Variants in MYH13 observed in about 807,000 individuals in gnomAD.
The protein encoded by MYH13 is myosin heavy chain 13, also known as myosin-13.
A neutral mutation model predicts 232.1 loss-of-function variants in MYH13; 177 were observed. The ratio of observed to expected loss-of-function variants is 0.76; its 90% confidence interval spans 0.67 to 0.86. The LOEUF (loss-of-function observed/expected upper bound fraction) is 0.86. MYH13 is among the 40% of genes least tolerant of loss of function. The pLI is 0.00. For synonymous variants in MYH13, 884 were observed against 923.5 expected, an observed-to-expected ratio of 0.96 and a Z score of 0.78; for missense variants, 2,246 against 2,405.9, an observed-to-expected ratio of 0.93 and a Z score of 1.39.
chr17:10,353,190 G>T (rs2071723299), intron 11 of MYH13, among the ~76,000 whole-genome samples: 1 of 152,194 alleles, frequency 6.6e-6, no homozygotes, highest in Non-Finnish European at 1.5e-5. Context: ...CCATGTTGCT[G>T]GGTGGAGCTC....
At chr17:10,324,418 C>T (rs753528486) in intron 22 of MYH13, among the ~76,000 whole-genome samples, 154 bp from the exon 23 acceptor site, 4 of 151,310 alleles carry the variant, frequency 2.6e-5, no homozygotes, top group Admixed American at 6.6e-5. Flanking sequence ...TGCACACACA[C>T]GTGTACATAA....
At chr17:10,370,467 C>G (rs1480564454) in intron 2 of MYH13, among the ~76,000 whole-genome samples, 1 of 152,204 alleles carries the variant, frequency 6.6e-6, no homozygotes, top group Non-Finnish European at 1.5e-5. Context: ...CTGCTTCCAA[C>G]GTTGCATAGC....
At chr17:10,356,361 G>T (rs2142269766) in intron 8 of MYH13, among the ~76,000 whole-genome samples, 1 of 152,328 alleles carries the variant, frequency 6.6e-6, no homozygotes, top group South Asian at 2.1e-4. Context: ...AAAATAATTA[G>T]AATGATTGTG....
Position 10,309,802 on chromosome 17 carries a change from A to T in MYH13, c.4685T>A (p.Ile1562Asn), listed in dbSNP as rs1468101612. The T allele has an allele frequency of 6.3e-7, 1 of 1,591,792 alleles. No homozygotes were observed. Among genetic ancestry groups the T allele is most frequent in the South Asian group, 1.1e-5 (1 of 87,386 alleles). ...EGSLEHEESKILRVQLELSQV... is the reference protein window; with the variant it reads ...EGSLEHEESKNLRVQLELSQV... ...GCTCAGCTCTAGCTGCACGCGCAAG[A>T]TCTTGCTCTCCTCGTGTTCCAAGGA... Residue 1562 changes from isoleucine to asparagine, a missense_variant, in exon 34 of 41, where the codon ATC becomes AAC. Physicochemically the swap from Ile to Asn is moderately radical, Grantham distance 149. Coordinates refer to ENST00000252172, the MANE Select transcript of MYH13 (RefSeq NM_003802.3).
intron 3 of MYH13, among the ~76,000 whole-genome samples, 192 bp downstream of exon 3, chr17:10,364,135 T>C (rs2071814528): frequency 6.6e-6 from 1 of 152,176 alleles, no homozygotes; most frequent in Non-Finnish European, 1.5e-5. Flanking sequence ...CCCAAGTCCT[T>C]GGAGAAGGAA....
At chr17:10,336,582 C>T (rs900645727) in intron 18 of MYH13, among the ~76,000 whole-genome samples, 3 of 152,094 alleles carry the variant, frequency 2.0e-5, no homozygotes, top group Non-Finnish European at 4.4e-5. Context: ...ACATGCAAAC[C>T]AGCCATCCAA....
rs773955808 is a variant in MYH13 at position 10,340,575 on chromosome 17, A to G, written c.1895-174T>C. 2.0e-5 allele frequency among the ~76,000 whole-genome samples: 3 copies of G among 152,008 alleles called. No individual in the cohort carries two copies. In the East Asian group the frequency reaches 5.8e-4, roughly 29 times the overall value. ...GCTCTGTTGTCCAGGCTGGAGTGCA[A>G]TGGCACCATCTCAACTCACTGCAAC... On this transcript the variant is annotated intron_variant, in intron 16 of 40. Coordinates refer to ENST00000252172, the MANE Select transcript of MYH13 (RefSeq NM_003802.3).
At chr17:10,347,870 A>C (rs1182350484) in intron 12 of MYH13, among the ~76,000 whole-genome samples, 1 of 151,248 alleles carries the variant, frequency 6.6e-6, no homozygotes, top group East Asian at 1.9e-4. Flanking sequence ...GGCACCCACC[A>C]CCAGGCCCGG....
intron 2 of MYH13, among the ~76,000 whole-genome samples, chr17:10,369,158 A>G (rs977969214): frequency 6.8e-6 from 1 of 146,704 alleles, no homozygotes; most frequent in African/African-American, 2.4e-5. Context: ...TAACTTCCAC[A>G]AATAAAAAAA....
In MYH13 at chr17:10,360,190, T is replaced by A; in HGVS notation, c.506-2A>T. The A allele has an allele frequency of 6.2e-7, 1 of 1,613,416 alleles. No homozygotes were observed. On this transcript the variant is annotated splice_acceptor_variant, in intron 5 of 40. Transcript: ENST00000252172. LOFTEE classifies it high-confidence loss of function. ...TGAGGATAGACTGGTTGTCTCGATC[T>A]AGAAATGCAGAGGGAAGCAAAACAA...
chr17:10,317,296 G>C (rs553287411), intron 27 of MYH13, among the ~76,000 whole-genome samples: 1 of 152,206 alleles, frequency 6.6e-6, no homozygotes, highest in South Asian at 2.1e-4. Flanking sequence ...AAAACCAAGG[G>C]AAAAAGGGCA....
rs1040945814 is a variant in MYH13 at position 10,328,209 on chromosome 17, G to A, written c.2436-88C>T. The A allele has an allele frequency of 6.8e-6, 10 of 1,473,448 alleles. No individual in the cohort carries two copies. The East Asian group carries it at 9.3e-5, about 14-fold the overall frequency. The allele number at this position is 1,473,448 out of a possible 1,614,324, so 91.3% of individuals were successfully genotyped here. A position where few individuals can be genotyped will look rare whatever the true frequency, so the allele number is the denominator to read the frequency against. ...CTGTCCCCGACGGACCCCATCCTCC[G>A]TCTTTCTCGGTTAGGTGGGAAGGAG... On this transcript the variant is annotated intron_variant, in intron 21 of 40. Transcript: ENST00000252172.
chr17:10,352,666 T>G (rs1361493228), intron 11 of MYH13, among the ~76,000 whole-genome samples: 2 of 152,114 alleles, frequency 1.3e-5, no homozygotes, highest in Non-Finnish European at 2.9e-5. Flanking sequence ...AGAAGGCATC[T>G]TGGTGAGGAC....
intron 16 of MYH13, among the ~76,000 whole-genome samples, chr17:10,340,859 TGTGGGAATGGG>T (rs1248768282): frequency 2.0e-5 from 3 of 151,956 alleles, no homozygotes; most frequent in Non-Finnish European, 2.9e-5. Context: ...GCTTTATCAT[TGTGGGAATGGG>T]GTGGGAATGG....
intron 15 of MYH13, 33 bp downstream of exon 15, chr17:10,345,169 G>A (rs1482146216): frequency 6.2e-7 from 1 of 1,613,996 alleles, no homozygotes. Flanking sequence ...CCCCAATAAG[G>A]AGGAGCTGTC....
Position 10,366,540 on chromosome 17 carries a change from C to G in MYH13, c.-12-1998G>C, listed in dbSNP as rs549366636. On this transcript the variant is annotated intron_variant, in intron 2 of 40. Transcript: ENST00000252172. The stretch of plus-strand genomic sequence containing the variant: ...GGATTACAGGCGCCCACCACCACAC[C>G]CGGCTAATTTTTGTATTCTTAGTAG... Among the ~76,000 whole-genome samples, 164 of 152,044 alleles carry G rather than the reference C, an allele frequency of 1.1e-3. 1 individual carries two copies. Among genetic ancestry groups the G allele is most frequent in the African/African-American group, 3.7e-3 (153 of 41,454 alleles).
At chr17:10,348,064 G>A (rs945036856) in intron 12 of MYH13, among the ~76,000 whole-genome samples, 2 of 152,104 alleles carry the variant, frequency 1.3e-5, no homozygotes, top group Non-Finnish European at 2.9e-5. Context: ...GTGGGGAGAT[G>A]AGTTAATAAA....
chr17:10,301,672 C>T lies in MYH13; in HGVS notation c.5699G>A (p.Cys1900Tyr). 1 of 1,614,028 alleles carries T rather than the reference C, an allele frequency of 6.2e-7. No individual in the cohort carries two copies. The highest frequency in any genetic ancestry group is 1.1e-5 in the South Asian group (1 of 91,086). ...CTCTAGCTCATGCTGGACTCTCCGG[C>T]ATCTGGACAGCTGCGTGTTGGCCTG... ...EEQANTQLSR[C>Y]RRVQHELEEA... The change falls in exon 40 of 41, where the codon TGC becomes TAC. Residue 1900 changes from cysteine (C) to tyrosine (Y), a missense_variant. Cys to Tyr is a radical substitution (Grantham distance 194). Transcript: ENST00000252172.
intron 2 of MYH13, among the ~76,000 whole-genome samples, chr17:10,367,703 A>G (rs1389670348): frequency 1.3e-5 from 2 of 152,210 alleles, no homozygotes; most frequent in Non-Finnish European, 2.9e-5. Flanking sequence ...AAGACTAGTG[A>G]GAAGGGTAGT....
Sources: gnomAD v4.1 joint callset for allele counts (sites outside exome capture counted in the v4.1 genomes callset) on GRCh38, gnomAD v4.1.1 for gene constraint, MANE v1.5 for transcripts, NCBI Gene and HGNC (gene_info 2026-07-23, HGNC 2026-07-21) for gene names.